The following SCN11A variants were observed in gnomAD, a reference collection of about 807,000 sequenced individuals.
SCN11A encodes the protein sodium channel protein type 11 subunit alpha.
SCN11A carries 122 observed loss-of-function variants against 162.2 expected under a neutral mutation model. The observed-to-expected ratio is 0.75, with a 90% CI of 0.65 to 0.87. SCN11A has a LOEUF of 0.87. SCN11A is among the 40% of genes least tolerant of loss of function. The pLI, the probability that SCN11A is intolerant of heterozygous loss-of-function variation, is 0.00. For synonymous variants in SCN11A, 758 were observed against 751.5 expected (o/e 1.01, Z -0.14); for missense variants, 2,015 against 2,181.6 (o/e 0.92, Z 1.52).
chr3:38,937,281 C>A (rs796225133), intron 7 of SCN11A, among the ~76,000 whole-genome samples: 1 of 149,662 alleles, frequency 6.7e-6, no homozygotes, highest in African/African-American at 2.5e-5. Flanking sequence ...AGAAGAAAAC[C>A]TAGGCATTAC....
At chr3:38,852,985 C>T (rs746489669) in intron 28 of SCN11A, among the ~76,000 whole-genome samples, 2 of 152,192 alleles carry the variant, frequency 1.3e-5, no homozygotes, top group Non-Finnish European at 2.9e-5. Context: ...ACAGGGAGAG[C>T]TGTGATTTTG....
At chr3:38,857,567 A>C (rs1203109283) in intron 28 of SCN11A, among the ~76,000 whole-genome samples, 1 of 152,082 alleles carries the variant, frequency 6.6e-6, no homozygotes, top group Admixed American at 6.6e-5. Flanking sequence ...AGTTCATAAA[A>C]CTTATCTGAA....
At chr3:38,973,361 C>T (rs2066828836) in intron 2 of SCN11A, among the ~76,000 whole-genome samples, 1 of 151,964 alleles carries the variant, frequency 6.6e-6, no homozygotes, top group African/African-American at 2.4e-5. Flanking sequence ...TCTCTTCTTG[C>T]AGTCAGAAGT....
intron 28 of SCN11A, among the ~76,000 whole-genome samples, chr3:38,854,037 C>T (rs983843597): frequency 2.6e-5 from 4 of 151,994 alleles, no homozygotes; most frequent in Admixed American, 2.6e-4. Flanking sequence ...AGTGACCTAT[C>T]TGTTATTGTA....
chr3:38,876,250 T>C (rs1335517601), intron 23 of SCN11A, among the ~76,000 whole-genome samples: 1 of 152,134 alleles, frequency 6.6e-6, no homozygotes, highest in Non-Finnish European at 1.5e-5. Flanking sequence ...CCTGAAACCA[T>C]ACAAATTCTA....
intron 1 of SCN11A, among the ~76,000 whole-genome samples, chr3:39,048,983 C>T (rs1002078091): frequency 2.6e-5 from 4 of 152,188 alleles, no homozygotes; most frequent in African/African-American, 9.7e-5. Flanking sequence ...TTTTAGCTGC[C>T]CCAGCTGATG....
At chr3:38,963,250 C>T (rs916300113) in intron 2 of SCN11A, among the ~76,000 whole-genome samples, 3 of 149,064 alleles carry the variant, frequency 2.0e-5, no homozygotes, top group African/African-American at 7.4e-5. Context: ...ATAATCTGTA[C>T]ATCCATGTTT....
intron 25 of SCN11A, 100 bp from the exon 26 acceptor site, chr3:38,870,844 A>G (rs1473059566): frequency 2.1e-6 from 2 of 932,176 alleles, no homozygotes; most frequent in East Asian, 2.4e-5. Context: ...GGCTGAATAT[A>G]TAAGATGATA....
chr3:39,042,974 A>AGAAAG lies in SCN11A; in HGVS notation c.-404+8886_-404+8887insCTTTC, dbSNP rs572798409. 6.8e-5 allele frequency among the ~76,000 whole-genome samples: 7 copies of AGAAAG among 103,686 alleles called. No homozygotes were observed. In the East Asian group the frequency reaches 1.3e-3, roughly 20 times the overall value. 68.0% of individuals were successfully genotyped at this position (103,686 alleles called of 152,430 possible). A position where few individuals can be genotyped will look rare whatever the true frequency, so the allele number is the denominator to read the frequency against. ...CTCCATCTCAAAAAAAAAAAAAAAA[A>AGAAAG]AAAAAGAAAAAGAAAAAAGAAATGA... is the stretch of plus-strand genomic sequence containing the variant. On this transcript the variant is annotated intron_variant, in intron 1 of 29. Coordinates refer to ENST00000302328, the MANE Select transcript of SCN11A (RefSeq NM_001349253.2).
At chr3:38,959,733 CA>C (rs549429294) in intron 3 of SCN11A, among the ~76,000 whole-genome samples, 1 of 151,746 alleles carries the variant, frequency 6.6e-6, no homozygotes, top group African/African-American at 2.4e-5. Flanking sequence ...ACGTAAGTTA[CA>C]AAAAAAAGAT....
At chr3:38,989,738 C>T (rs1033703634) in intron 2 of SCN11A, among the ~76,000 whole-genome samples, 4 of 152,162 alleles carry the variant, frequency 2.6e-5, no homozygotes, top group African/African-American at 9.7e-5. Flanking sequence ...GTGAGTAATT[C>T]CACATAGTGG....
chr3:38,988,588 G>A (rs1166384151), intron 2 of SCN11A, among the ~76,000 whole-genome samples: 1 of 139,768 alleles, frequency 7.2e-6, no homozygotes, highest in Non-Finnish European at 1.6e-5. Flanking sequence ...TATTCGTCTT[G>A]TCACCAGGAT....
At chr3:39,032,555 C>A (rs2031788191) in intron 1 of SCN11A, among the ~76,000 whole-genome samples, 52 bp from the exon 2 acceptor site, 2 of 152,108 alleles carry the variant, frequency 1.3e-5, no homozygotes, top group Non-Finnish European at 2.9e-5. Flanking sequence ...TTCACAAGAC[C>A]TTTTCCAGGT....
At chr3:38,937,844 T>C (rs1442111924) in intron 7 of SCN11A, among the ~76,000 whole-genome samples, 1 of 152,218 alleles carries the variant, frequency 6.6e-6, no homozygotes, top group East Asian at 1.9e-4. Context: ...GACCTAGAAC[T>C]AGAAATACCA....
At chr3:38,986,447 AC>A (rs1393690041) in intron 2 of SCN11A, among the ~76,000 whole-genome samples, 1 of 152,196 alleles carries the variant, frequency 6.6e-6, no homozygotes, top group African/African-American at 2.4e-5. Context: ...AGCTGGACAG[AC>A]CCTGCTTCTG....
chr3:38,900,773 A>T (rs2065687017), intron 16 of SCN11A, among the ~76,000 whole-genome samples: 1 of 152,176 alleles, frequency 6.6e-6, no homozygotes, highest in South Asian at 2.1e-4. Context: ...ACAAAATATC[A>T]AAGAATAAAA....
At chr3:39,007,364 G>A (rs1045529118) in intron 2 of SCN11A, among the ~76,000 whole-genome samples, 11 of 152,122 alleles carry the variant, frequency 7.2e-5, no homozygotes, top group Non-Finnish European at 1.2e-4. Flanking sequence ...TTGGGTCTTA[G>A]TCCCCGGTTC....
intron 2 of SCN11A, among the ~76,000 whole-genome samples, chr3:38,984,845 A>C (rs1391342789): frequency 6.6e-6 from 1 of 152,090 alleles, no homozygotes; most frequent in Non-Finnish European, 1.5e-5. Flanking sequence ...AAGGCACGCG[A>C]AAGTCTGGGG....
chr3:38,854,768 GA>G (rs1323434386), intron 28 of SCN11A, among the ~76,000 whole-genome samples: 1 of 152,224 alleles, frequency 6.6e-6, no homozygotes, highest in Non-Finnish European at 1.5e-5. Context: ...ACCTTACCTA[GA>G]GCTGAAATGA....
Sources: allele counts gnomAD v4.1 joint callset (sites outside exome capture counted in the v4.1 genomes callset), GRCh38; gene constraint gnomAD v4.1.1; transcripts MANE v1.5; gene names NCBI Gene and HGNC (gene_info 2026-07-23, HGNC 2026-07-21).